The following ROBO1 variants were observed in gnomAD, a reference collection of about 807,000 sequenced individuals.
ROBO1 encodes roundabout guidance receptor 1.
Under a neutral mutation model 195.9 loss-of-function variants are expected in ROBO1, and 149 were observed. The ratio of observed to expected loss-of-function variants is 0.76; its 90% CI spans 0.67 to 0.87. ROBO1 has a LOEUF of 0.87. ROBO1 is among the 40% of genes least tolerant of loss of function. ROBO1 has a pLI of 0.00. For synonymous variants in ROBO1, 816 were observed against 733.2 expected (o/e 1.11, Z -1.82); for missense variants, 1,933 against 2,068.3 (o/e 0.93, Z 1.27).
At chr3:79,133,990 G>A (rs1311363245) in intron 2 of ROBO1, among the ~76,000 whole-genome samples, 2 of 151,832 alleles carry the variant, frequency 1.3e-5, no homozygotes, top group East Asian at 3.9e-4. Context: ...AGGACTTCAT[G>A]TCCAAAACAC....
chr3:78,824,013 T>C (rs570588866), intron 4 of ROBO1, among the ~76,000 whole-genome samples: 1 of 152,204 alleles, frequency 6.6e-6, no homozygotes, highest in African/African-American at 2.4e-5. Context: ...CTGACATTAA[T>C]GACAGGTATG....
chr3:79,380,188 A>C (rs1318205100), intron 2 of ROBO1, among the ~76,000 whole-genome samples: 1 of 152,118 alleles, frequency 6.6e-6, no homozygotes, highest in East Asian at 1.9e-4. Flanking sequence ...CAGGTTTGTC[A>C]CTGAATATGT....
At chr3:79,437,158 T>C (rs1444210731) in intron 2 of ROBO1, among the ~76,000 whole-genome samples, 1 of 152,064 alleles carries the variant, frequency 6.6e-6, no homozygotes. Flanking sequence ...GAAAGGCTGA[T>C]CTACCTTAAA....
chr3:79,645,777 C>A (rs9857008), intron 1 of ROBO1, among the ~76,000 whole-genome samples: 1 of 151,848 alleles, frequency 6.6e-6, no homozygotes, highest in Non-Finnish European at 1.5e-5. Flanking sequence ...CACAGACAGA[C>A]AGACCAAGAA....
At chr3:79,650,716 T>C (rs941176702) in intron 1 of ROBO1, among the ~76,000 whole-genome samples, 31 of 151,594 alleles carry the variant, frequency 2.0e-4, no homozygotes, top group African/African-American at 7.5e-4. Context: ...TAAATGAAAA[T>C]AGACCCCAAA....
intron 2 of ROBO1, among the ~76,000 whole-genome samples, chr3:79,357,710 A>G (rs1385985879): frequency 1.3e-5 from 2 of 152,152 alleles, no homozygotes; most frequent in Admixed American, 6.6e-5. Context: ...CTAAAACACC[A>G]CATATTGCCA....
rs552797026 is a variant in ROBO1, at chr3:79,488,336, G to A, written c.88+101488C>T. Among the ~76,000 whole-genome samples, 26 of 152,124 alleles carry A rather than the reference G, an allele frequency of 1.7e-4. No homozygotes were observed. In the Middle Eastern group the frequency reaches 0.01, roughly 60 times the overall value. On this transcript the variant is annotated intron_variant, in intron 2 of 30. Transcript: ENST00000464233. ...ATTTTTTTTCTTCAAAATATCATCA[G>A]ATCATTTGAATACTTATAGAGCACT...
chr3:79,722,455 G>T (rs1197180759), intron 1 of ROBO1, among the ~76,000 whole-genome samples: 1 of 152,090 alleles, frequency 6.6e-6, no homozygotes, highest in African/African-American at 2.4e-5. Context: ...TTCCTCCTGA[G>T]GTCCACAGCC....
At chr3:79,011,884 C>T (rs1220482143) in intron 3 of ROBO1, among the ~76,000 whole-genome samples, 3 of 151,476 alleles carry the variant, frequency 2.0e-5, no homozygotes, top group Non-Finnish European at 4.4e-5. Context: ...ATTTTTTTTG[C>T]TCTTTTACTT....
At chr3:79,142,994 G>A (rs1009185260) in intron 2 of ROBO1, among the ~76,000 whole-genome samples, 6 of 152,034 alleles carry the variant, frequency 3.9e-5, no homozygotes, top group Admixed American at 6.6e-5. Flanking sequence ...AATGCCTTAC[G>A]TCTTCAACAT....
chr3:78,959,948 G>A (rs191953652), intron 3 of ROBO1, among the ~76,000 whole-genome samples: 1 of 152,268 alleles, frequency 6.6e-6, no homozygotes, highest in East Asian at 1.9e-4. Context: ...TGGGGAGTGG[G>A]GGAGGGTGGC....
chr3:79,735,688 G>T (rs186348311), intron 1 of ROBO1, among the ~76,000 whole-genome samples: 1 of 152,218 alleles, frequency 6.6e-6, no homozygotes, highest in Non-Finnish European at 1.5e-5. Flanking sequence ...GGCTAACAGG[G>T]TGAAACCCCG....
chr3:79,160,345 G>A (rs993408865), intron 2 of ROBO1, among the ~76,000 whole-genome samples: 1 of 151,370 alleles, frequency 6.6e-6, no homozygotes, highest in African/African-American at 2.4e-5. Context: ...TTTAAAGTTA[G>A]GCTTTCTTTA....
At chr3:79,406,438 G>C (rs930034364) in intron 2 of ROBO1, among the ~76,000 whole-genome samples, 2 of 151,256 alleles carry the variant, frequency 1.3e-5, no homozygotes, top group African/African-American at 4.9e-5. Flanking sequence ...CTCAAAAAAA[G>C]ATAATAATAA....
At chr3:79,265,335 C>G (rs1387802328) in intron 2 of ROBO1, among the ~76,000 whole-genome samples, 1 of 150,802 alleles carries the variant, frequency 6.6e-6, no homozygotes, top group Non-Finnish European at 1.5e-5. Context: ...TAGAGCTTAG[C>G]AAATGGTAGT....
chr3:79,399,759 T>C (rs928817751), intron 2 of ROBO1, among the ~76,000 whole-genome samples: 2 of 152,204 alleles, frequency 1.3e-5, no homozygotes, highest in African/African-American at 4.8e-5. Flanking sequence ...ATGGGCTCAT[T>C]GCGTTGAGCG....
intron 4 of ROBO1, among the ~76,000 whole-genome samples, chr3:78,815,871 T>C (rs2082973): frequency 6.6e-6 from 1 of 151,964 alleles, no homozygotes; most frequent in Admixed American, 6.6e-5. Context: ...TTCATGAGGG[T>C]TGAAATAAAT....
chr3:78,806,427 A>C (rs896645810), intron 4 of ROBO1, among the ~76,000 whole-genome samples: 2 of 152,272 alleles, frequency 1.3e-5, no homozygotes. Flanking sequence ...AGTTGGGATA[A>C]AAAGTGCTAA....
intron 2 of ROBO1, among the ~76,000 whole-genome samples, chr3:79,166,560 C>CTTTTTTTTTTTTTTT (rs968334923): frequency 5.0e-4 from 67 of 135,104 alleles, no homozygotes; most frequent in Non-Finnish European, 6.3e-4. Flanking sequence ...TTCTATTTTT[C>CTTTTTTTTTTTTTTT]TTTTTTTTTT....
Sources: allele counts gnomAD v4.1 joint callset (sites outside exome capture counted in the v4.1 genomes callset), GRCh38; gene constraint gnomAD v4.1.1; transcripts MANE v1.5; gene names NCBI Gene and HGNC (gene_info 2026-07-23, HGNC 2026-07-21).